TMTC4: variants seen among roughly 807,000 people sequenced by gnomAD.
The protein encoded by TMTC4 is protein O-mannosyl-transferase TMTC4.
Under a neutral mutation model 86.0 loss-of-function variants are expected in TMTC4, and 65 were observed. The ratio of observed to expected loss-of-function variants is 0.76; its 90% CI spans 0.62 to 0.93. The LOEUF (loss-of-function observed/expected upper bound fraction) is 0.93, where lower values mean the gene tolerates loss of function less well. Among genes scored for constraint, TMTC4 ranks in the 40% least tolerant of loss-of-function variants. The probability of loss-of-function intolerance (pLI) is 0.00; values close to 1 mark genes in which losing one functional copy is unlikely to be tolerated. For missense variants in TMTC4, 866 were observed against 948.1 expected (o/e 0.91, Z 1.14); for synonymous variants, 379 against 382.5 (o/e 0.99, Z 0.11).
chr13:100,618,284 G>GAGAT (rs1878828170), intron 15 of TMTC4, among the ~76,000 whole-genome samples: 2 of 152,100 alleles, frequency 1.3e-5, no homozygotes, highest in Admixed American at 1.3e-4. Flanking sequence ...TCCATGAAGA[G>GAGAT]AGATAGCTTG....
chr13:100,631,949 G>A (rs9518116), intron 12 of TMTC4, among the ~76,000 whole-genome samples: 26,334 of 150,084 alleles, frequency 0.18, 2,695 homozygotes, highest in Admixed American at 0.24. Flanking sequence ...TCTTGAGAAA[G>A]GACTATTACC....
intron 2 of TMTC4, among the ~76,000 whole-genome samples, chr13:100,669,005 T>C (rs1373541917): frequency 6.6e-6 from 1 of 152,208 alleles, no homozygotes; most frequent in South Asian, 2.1e-4. Flanking sequence ...ACAGGATCTA[T>C]CAAATCAGAT....
intron 12 of TMTC4, among the ~76,000 whole-genome samples, chr13:100,632,053 ACTCTCTCTCT>A (rs67759381): frequency 0.011 from 495 of 43,082 alleles, 4 homozygotes; most frequent in African/African-American, 0.026. Context: ...ACACACACAC[ACTCTCTCTCT>A]CTCTCTCTCT....
At chr13:100,625,339 C>A in intron 15 of TMTC4, 196 bp downstream of exon 15, 1 of 706,312 alleles carries the variant, frequency 1.4e-6, no homozygotes, top group Non-Finnish European at 2.3e-6. Context: ...GACTAATTCA[C>A]ACTGTACTGC....
intron 15 of TMTC4, among the ~76,000 whole-genome samples, chr13:100,616,272 C>T (rs777231417): frequency 1.1e-4 from 17 of 152,024 alleles, no homozygotes; most frequent in Non-Finnish European, 2.1e-4. Context: ...AGCACAATCT[C>T]GGCTCACTGC....
At chr13:100,626,023 G>A (rs973536271) in intron 13 of TMTC4, 48 bp downstream of exon 13, 2 of 1,610,356 alleles carry the variant, frequency 1.2e-6, no homozygotes, top group African/African-American at 2.7e-5. Flanking sequence ...ATTAGAAAGT[G>A]AAAACGATCT....
intron 6 of TMTC4, among the ~76,000 whole-genome samples, chr13:100,645,646 A>T (rs1176241843): frequency 6.6e-6 from 1 of 152,020 alleles, no homozygotes; most frequent in African/African-American, 2.4e-5. Context: ...TGCCGCTGTG[A>T]GGTGAGCCTT....
intron 17 of TMTC4, among the ~76,000 whole-genome samples, chr13:100,608,737 T>G (rs1210456102): frequency 1.3e-5 from 2 of 152,132 alleles, no homozygotes; most frequent in Non-Finnish European, 2.9e-5. Context: ...TCTGGATGAC[T>G]AAAGACCCAG....
intron 17 of TMTC4, among the ~76,000 whole-genome samples, chr13:100,607,188 T>A (rs1232485605): frequency 6.6e-6 from 1 of 152,138 alleles, no homozygotes; most frequent in African/African-American, 2.4e-5. Flanking sequence ...GTTCACTCCA[T>A]CCACCTTCGC....
Position 100,626,138 on chromosome 13 carries a change from T to C in TMTC4, c.1519A>G (p.Ile507Val), listed in dbSNP as rs770302202. 33 of 1,614,078 alleles carry C rather than the reference T, an allele frequency of 2.0e-5. No homozygotes were observed. The South Asian group carries it at 2.9e-4, about 14-fold the overall frequency. The stretch of plus-strand genomic sequence containing the variant: ...CCTTTATCAGCCAGGTTTTTGCCAA[T>C]GTTGTAGTGAACCTGCAGACAGAGA... ...CPLNAKVHYN[I>V]GKNLADKGNQ... Residue 507 changes from isoleucine (I) to valine (V), a missense_variant, in exon 13 of 19, where the codon ATT becomes GTT. Transcript: ENST00000342624.
At chr13:100,632,053 A>ACACACACACACACACTCCCTCTCTCTCT (rs1296569630) in intron 12 of TMTC4, among the ~76,000 whole-genome samples, 1 of 43,110 alleles carries the variant, frequency 2.3e-5, no homozygotes, top group Non-Finnish European at 4.7e-5. Context: ...ACACACACAC[A>ACACACACACACACACTCCCTCTCTCTCT]CTCTCTCTCT....
At chr13:100,641,058 G>A (rs900856328) in intron 7 of TMTC4, among the ~76,000 whole-genome samples, 9 of 151,384 alleles carry the variant, frequency 5.9e-5, no homozygotes, top group African/African-American at 2.2e-4. Flanking sequence ...CCACCCCCCT[G>A]ACACTGCCGG....
intron 12 of TMTC4, among the ~76,000 whole-genome samples, chr13:100,630,242 A>G (rs1881172773): frequency 6.6e-6 from 1 of 152,138 alleles, no homozygotes; most frequent in African/African-American, 2.4e-5. Context: ...ACTTCGTCAA[A>G]CATACTTAGA....
chr13:100,658,255 G>A (rs1378359715), intron 5 of TMTC4, among the ~76,000 whole-genome samples: 1 of 152,164 alleles, frequency 6.6e-6, no homozygotes, highest in South Asian at 2.1e-4. Flanking sequence ...TATGGGGTAT[G>A]TCTATGAACA....
intron 2 of TMTC4, among the ~76,000 whole-genome samples, chr13:100,669,970 A>C (rs1397620608): frequency 1.3e-5 from 2 of 152,108 alleles, no homozygotes; most frequent in Non-Finnish European, 2.9e-5. Context: ...TGAGGGTTAA[A>C]TAGGATTCCC....
intron 2 of TMTC4, among the ~76,000 whole-genome samples, chr13:100,669,708 T>C (rs1418803272): frequency 6.6e-6 from 1 of 152,118 alleles, no homozygotes. Context: ...TGGTCAGCGG[T>C]GCCTAACAGC....
At chr13:100,651,229 T>C (rs1262173165) in intron 6 of TMTC4, among the ~76,000 whole-genome samples, 2 of 152,174 alleles carry the variant, frequency 1.3e-5, no homozygotes, top group African/African-American at 4.8e-5. Flanking sequence ...TTTTGGCTAT[T>C]CTAGCAAGTT....
At chr13:100,611,563 C>T (rs1364853531) in intron 17 of TMTC4, among the ~76,000 whole-genome samples, 6 of 151,766 alleles carry the variant, frequency 4.0e-5, no homozygotes, top group Admixed American at 6.6e-5. Flanking sequence ...CCAGCCTGGG[C>T]GAAAGAGCGA....
intron 15 of TMTC4, among the ~76,000 whole-genome samples, chr13:100,616,044 G>A (rs1370644817): frequency 1.3e-5 from 2 of 150,780 alleles, no homozygotes; most frequent in East Asian, 1.9e-4. Context: ...TGGCATCCAT[G>A]TTGCTGCAAA....
Sources: allele counts gnomAD v4.1 joint callset (sites outside exome capture counted in the v4.1 genomes callset), GRCh38; gene constraint gnomAD v4.1.1; transcripts MANE v1.5; gene names NCBI Gene and HGNC (gene_info 2026-07-23, HGNC 2026-07-21).